CTNNA2: variants seen among roughly 807,000 people sequenced by gnomAD.
The protein encoded by CTNNA2 is catenin alpha-2.
CTNNA2 carries 42 observed loss-of-function variants against 101.0 expected under a neutral mutation model. That is an observed-to-expected ratio of 0.42 (90% CI 0.32 to 0.54). The LOEUF (loss-of-function observed/expected upper bound fraction) is 0.54. Ranked by LOEUF, CTNNA2 falls within the 20% of genes least tolerant of loss-of-function variation. The probability of loss-of-function intolerance (pLI) is 0.14; values close to 1 mark genes in which losing one functional copy is unlikely to be tolerated. For missense variants in CTNNA2, 871 were observed against 1,223.1 expected (o/e 0.71, Z 4.29); for synonymous variants, 450 against 456.4 (o/e 0.99, Z 0.18).
intron 3 of CTNNA2, among the ~76,000 whole-genome samples, chr2:79,789,669 A>G (rs1573974101): frequency 6.6e-6 from 1 of 152,088 alleles, no homozygotes; most frequent in Non-Finnish European, 1.5e-5. Flanking sequence ...GCAAAGGACA[A>G]ACACGTGGCA....
chr2:80,058,798 G>A (rs144540482), intron 7 of CTNNA2, among the ~76,000 whole-genome samples: 2 of 152,156 alleles, frequency 1.3e-5, no homozygotes, highest in East Asian at 3.9e-4. Flanking sequence ...CCCCTGCTAA[G>A]CACTACACAA....
intron 1 of CTNNA2, among the ~76,000 whole-genome samples, chr2:79,559,382 G>GGATTTT (rs1674633446): frequency 6.6e-6 from 1 of 151,746 alleles, no homozygotes; most frequent in Non-Finnish European, 1.5e-5. Context: ...CCAAGGATTT[G>GGATTTT]GATTTTGATT....
chr2:80,212,391 C>T (rs1372446523), intron 7 of CTNNA2, among the ~76,000 whole-genome samples: 1 of 152,074 alleles, frequency 6.6e-6, no homozygotes, highest in Non-Finnish European at 1.5e-5. Context: ...AGATATGTCC[C>T]ATCAATACCT....
At position 80,149,774 on chromosome 2, in the gene CTNNA2, T is replaced by TCTCACACA. The variant is rs377159450; in HGVS notation, c.1056+239978_1056+239979insTCACACAC. Among the ~76,000 whole-genome samples the TCTCACACA allele has an allele frequency of 3.2e-3, 459 of 143,392 alleles. 6 individuals are homozygous for TCTCACACA. Among genetic ancestry groups the TCTCACACA allele is most frequent in the African/African-American group, 0.011 (437 of 38,624 alleles). 94.1% of individuals were successfully genotyped at this position (143,392 alleles called of 152,430 possible). On this transcript the variant is annotated intron_variant, in intron 7 of 18. Coordinates refer to ENST00000402739, the MANE Select transcript of CTNNA2 (RefSeq NM_001282597.3). Reference sequence around the variant, plus strand: ...TCAGGGAATACTCGATTAGAATGGATCACACACACACACACACACACACAC... The same window carrying TCTCACACA: ...TCAGGGAATACTCGATTAGAATGGATCTCACACACACACACACACACACACACACACAC...
chr2:80,109,434 CTGGG>C (rs1701079249), intron 7 of CTNNA2, among the ~76,000 whole-genome samples: 1 of 152,038 alleles, frequency 6.6e-6, no homozygotes, highest in African/African-American at 2.4e-5. Flanking sequence ...GCACTCCAGC[CTGGG>C]TGACAGAGTG....
intron 3 of CTNNA2, among the ~76,000 whole-genome samples, chr2:79,811,367 A>T (rs1433363032): frequency 1.3e-5 from 2 of 151,944 alleles, no homozygotes; most frequent in African/African-American, 4.8e-5. Context: ...CCACTTTTTG[A>T]TGGGGTTGTT....
chr2:79,352,491 C>T (rs1310392811), intron 3 of CTNNA2, among the ~76,000 whole-genome samples: 1 of 152,036 alleles, frequency 6.6e-6, no homozygotes, highest in East Asian at 1.9e-4. Context: ...CTGTGTTAAT[C>T]TAGCTAGCAG....
chr2:79,440,216 C>T (rs1438405337), intron 4 of CTNNA2, among the ~76,000 whole-genome samples: 2 of 151,892 alleles, frequency 1.3e-5, no homozygotes, highest in Admixed American at 6.6e-5. Flanking sequence ...TGAGTCCTAA[C>T]ATTATACATG....
chr2:80,379,070 G>A lies in CTNNA2; in HGVS notation c.1057-14141G>A, dbSNP rs1676263904. 1.3e-5 allele frequency among the ~76,000 whole-genome samples: 2 copies of A among 152,078 alleles called. 1 individual carries two copies. The highest frequency in any genetic ancestry group is 3.9e-4 in the East Asian group (2 of 5,164). On this transcript the variant is annotated intron_variant, in intron 7 of 18. Transcript: ENST00000402739. ...GCTGGGGCATAATTACAAGGGAACG[G>A]AAAGGTTGGGATCATAGAAAGAGGA...
At chr2:79,239,287 A>T (rs1478931748) in intron 2 of CTNNA2, among the ~76,000 whole-genome samples, 1 of 152,196 alleles carries the variant, frequency 6.6e-6, no homozygotes, top group Admixed American at 6.5e-5. Context: ...ATGGAACAGA[A>T]CAGAGATCTC....
At chr2:80,062,855 G>A (rs550388602) in intron 7 of CTNNA2, among the ~76,000 whole-genome samples, 50 of 151,968 alleles carry the variant, frequency 3.3e-4, no homozygotes, top group Non-Finnish European at 5.3e-4. Flanking sequence ...ACAGGCGCCC[G>A]CCACCACACC....
chr2:80,557,581 A>G (rs114623513), intron 12 of CTNNA2, among the ~76,000 whole-genome samples: 3,135 of 152,284 alleles, frequency 0.021, 101 homozygotes, highest in African/African-American at 0.072. Flanking sequence ...CTGCCCACTC[A>G]TGACTGGTGG....
chr2:80,425,531 C>T (rs1475794081), intron 9 of CTNNA2, among the ~76,000 whole-genome samples: 1 of 152,082 alleles, frequency 6.6e-6, no homozygotes. Flanking sequence ...CTTCCCAGGG[C>T]GCCTTTGATC....
chr2:79,408,913 C>T (rs1456447098), intron 4 of CTNNA2, among the ~76,000 whole-genome samples: 2 of 148,878 alleles, frequency 1.3e-5, no homozygotes, highest in African/African-American at 4.9e-5. Context: ...TACAGTCCCA[C>T]CAACAGTGTA....
In CTNNA2 at chr2:79,499,408, C is replaced by T. The variant is rs556031207; in HGVS notation, c.-134-5646C>T. On this transcript the variant is annotated intron_variant, in intron 4 of 21. Coordinates refer to the CTNNA2 transcript ENST00000466387. ...CTTGTCTGTGTACATCTGAATGTGT[C>T]CCCTACATCACTTCTCCATATAGCA... Among the ~76,000 whole-genome samples, 30 of 152,254 alleles carry T rather than the reference C, an allele frequency of 2.0e-4. 1 individual carries two copies. Among genetic ancestry groups the T allele is most frequent in the African/African-American group, 7.2e-4 (30 of 41,532 alleles).
chr2:80,575,792 A>G (rs1230444713), intron 13 of CTNNA2, among the ~76,000 whole-genome samples: 2 of 152,120 alleles, frequency 1.3e-5, no homozygotes, highest in East Asian at 1.9e-4. Flanking sequence ...ACACACATAC[A>G]CACACACAAT....
At chr2:79,922,441 CTT>C (rs936999450) in intron 7 of CTNNA2, among the ~76,000 whole-genome samples, 4 of 152,068 alleles carry the variant, frequency 2.6e-5, no homozygotes, top group Non-Finnish European at 5.9e-5. Flanking sequence ...TTCCGTGTAT[CTT>C]ATGGATGTGG....
chr2:79,372,191 G>T (rs1292208209), intron 3 of CTNNA2, among the ~76,000 whole-genome samples: 2 of 152,078 alleles, frequency 1.3e-5, no homozygotes, highest in Non-Finnish European at 2.9e-5. Flanking sequence ...GCATCTGGTG[G>T]CAGGCAGGGA....
chr2:79,980,516 T>C (rs1401272837), intron 7 of CTNNA2, among the ~76,000 whole-genome samples: 1 of 152,162 alleles, frequency 6.6e-6, no homozygotes, highest in Non-Finnish European at 1.5e-5. Flanking sequence ...ATTACTGAAA[T>C]TTCTAATTGT....
Sources: gnomAD v4.1 joint callset for allele counts (sites outside exome capture counted in the v4.1 genomes callset) on GRCh38, gnomAD v4.1.1 for gene constraint, MANE v1.5 for transcripts, NCBI Gene and HGNC (gene_info 2026-07-23, HGNC 2026-07-21) for gene names.